Variants in LRMDA observed in about 807,000 individuals in gnomAD.
LRMDA encodes leucine-rich melanocyte differentiation-associated protein.
Under a neutral mutation model 29.8 loss-of-function variants are expected in LRMDA, and 18 were observed. That is an observed-to-expected ratio of 0.60 (90% confidence interval 0.42 to 0.90). LRMDA has a LOEUF of 0.90. Among genes scored for constraint, LRMDA ranks in the 40% least tolerant of loss-of-function variants. LRMDA has a pLI of 0.00. For synonymous variants in LRMDA, 125 were observed against 109.4 expected, an observed-to-expected ratio of 1.14 and a Z score of -0.89; for missense variants, 273 against 273.9, an observed-to-expected ratio of 1.00 and a Z score of 0.02.
At chr10:75,442,748 G>T (rs1844343713) in intron 2 of LRMDA, among the ~76,000 whole-genome samples, 1 of 151,986 alleles carries the variant, frequency 6.6e-6, no homozygotes, top group Non-Finnish European at 1.5e-5. Flanking sequence ...TGTGTCACAT[G>T]AAATTTAGGA....
chr10:75,678,782 A>G (rs1426274409), intron 2 of LRMDA, among the ~76,000 whole-genome samples: 1 of 152,184 alleles, frequency 6.6e-6, no homozygotes, highest in Non-Finnish European at 1.5e-5. Context: ...TTTTTGTAGT[A>G]TTGGAAGATA....
chr10:76,173,043 A>G (rs1454301764), intron 5 of LRMDA, among the ~76,000 whole-genome samples: 3 of 138,878 alleles, frequency 2.2e-5, no homozygotes, highest in African/African-American at 8.7e-5. Context: ...GGAAAGCATG[A>G]AAGTGTTAAG....
intron 2 of LRMDA, among the ~76,000 whole-genome samples, chr10:75,797,291 T>C (rs1366581729): frequency 2.0e-5 from 3 of 152,214 alleles, no homozygotes; most frequent in African/African-American, 4.8e-5. Flanking sequence ...TTAATATCTG[T>C]AGGCTCTGCC....
chr10:75,899,615 A>C (rs75552213), intron 2 of LRMDA, among the ~76,000 whole-genome samples: 4,331 of 152,324 alleles, frequency 0.028, 122 homozygotes, highest in South Asian at 0.056. Context: ...ATTCAGCTAA[A>C]GATGTCTTCC....
At chr10:76,375,656 A>G (rs1841507394) in intron 6 of LRMDA, among the ~76,000 whole-genome samples, 1 of 152,108 alleles carries the variant, frequency 6.6e-6, no homozygotes, top group Non-Finnish European at 1.5e-5. Context: ...GAGAGCTAGA[A>G]ATTAATCCCT....
intron 5 of LRMDA, among the ~76,000 whole-genome samples, chr10:76,090,899 G>A (rs905503477): frequency 3.6e-4 from 55 of 152,200 alleles, no homozygotes; most frequent in African/African-American, 1.3e-3. Context: ...TTTTGGAAGA[G>A]GAAGAGTTCT....
At chr10:76,412,164 G>C (rs1841968855) in intron 6 of LRMDA, among the ~76,000 whole-genome samples, 1 of 152,220 alleles carries the variant, frequency 6.6e-6, no homozygotes. Flanking sequence ...AGAAAAATAA[G>C]TGAAATCTTG....
chr10:76,418,289 G>A (rs1842037488), intron 6 of LRMDA, among the ~76,000 whole-genome samples: 2 of 151,434 alleles, frequency 1.3e-5, no homozygotes, highest in South Asian at 4.2e-4. Flanking sequence ...ACTTATTTAG[G>A]TCTTCTTTAG....
At chr10:76,148,137 C>T (rs1044881441) in intron 5 of LRMDA, among the ~76,000 whole-genome samples, 1 of 152,216 alleles carries the variant, frequency 6.6e-6, no homozygotes, top group Non-Finnish European at 1.5e-5. Context: ...AAGTCAGGGA[C>T]CCACTTGAGG....
chr10:76,204,652 A>G (rs1335864712), intron 5 of LRMDA, among the ~76,000 whole-genome samples: 1 of 152,250 alleles, frequency 6.6e-6, no homozygotes, highest in Non-Finnish European at 1.5e-5. Flanking sequence ...TCTTTCCCTA[A>G]GATACAACAC....
intron 2 of LRMDA, among the ~76,000 whole-genome samples, chr10:75,462,489 T>G (rs971080938): frequency 6.6e-6 from 1 of 152,226 alleles, no homozygotes; most frequent in Non-Finnish European, 1.5e-5. Context: ...GCGTGCTCAT[T>G]CTGTGAGATA....
intron 2 of LRMDA, among the ~76,000 whole-genome samples, chr10:75,815,459 T>A (rs184705499): frequency 6.6e-6 from 1 of 152,330 alleles, no homozygotes; most frequent in Non-Finnish European, 1.5e-5. Flanking sequence ...ATGCTTTCCT[T>A]TCCTCTTGAA....
intron 2 of LRMDA, among the ~76,000 whole-genome samples, chr10:75,893,360 TAA>T (rs1845527088): frequency 6.6e-6 from 1 of 152,206 alleles, no homozygotes; most frequent in Non-Finnish European, 1.5e-5. Flanking sequence ...TATGAAAACC[TAA>T]GAGAGCAGGG....
chr10:75,565,583 G>A (rs1297135499), intron 2 of LRMDA, among the ~76,000 whole-genome samples: 1 of 151,210 alleles, frequency 6.6e-6, no homozygotes, highest in Non-Finnish European at 1.5e-5. Flanking sequence ...AAGTATGCGA[G>A]AGAACTGCAT....
chr10:76,480,714 G>C (rs1430023453), intron 6 of LRMDA, among the ~76,000 whole-genome samples: 1 of 151,924 alleles, frequency 6.6e-6, no homozygotes, highest in East Asian at 1.9e-4. Flanking sequence ...TAACTTGCAT[G>C]GAGTTTAGAT....
At chr10:76,215,579 C>G (rs757325355) in intron 5 of LRMDA, among the ~76,000 whole-genome samples, 12 of 151,428 alleles carry the variant, frequency 7.9e-5, no homozygotes, top group Non-Finnish European at 1.6e-4. Flanking sequence ...TGTGGGTAAT[C>G]CAAAGCCCTT....
intron 5 of LRMDA, among the ~76,000 whole-genome samples, chr10:76,244,266 C>T (rs117669602): frequency 6.6e-6 from 1 of 152,308 alleles, no homozygotes; most frequent in Non-Finnish European, 1.5e-5. Flanking sequence ...GTGCCTGGTA[C>T]ATGACAGGCA....
At chr10:76,161,091 A>G (rs1224384191) in intron 5 of LRMDA, among the ~76,000 whole-genome samples, 1 of 152,194 alleles carries the variant, frequency 6.6e-6, no homozygotes, top group Non-Finnish European at 1.5e-5. Flanking sequence ...AATGGGAAAA[A>G]CAGAGGGAAA....
At chr10:76,380,290 T>C (rs1841573966) in intron 6 of LRMDA, among the ~76,000 whole-genome samples, 1 of 152,186 alleles carries the variant, frequency 6.6e-6, no homozygotes, top group South Asian at 2.1e-4. Flanking sequence ...GTCATTGTTA[T>C]TTTTCATTAT....
Sources: gnomAD v4.1 joint callset for allele counts (sites outside exome capture counted in the v4.1 genomes callset) on GRCh38, gnomAD v4.1.1 for gene constraint, MANE v1.5 for transcripts, NCBI Gene and HGNC (gene_info 2026-07-23, HGNC 2026-07-21) for gene names.